The following SUGCT variants were observed in gnomAD, a reference collection of about 807,000 sequenced individuals.
The protein encoded by SUGCT is succinyl-CoA:glutarate CoA-transferase.
SUGCT carries 41 observed loss-of-function variants against 55.0 expected under a neutral mutation model. That is an observed-to-expected ratio of 0.74 (90% confidence interval 0.58 to 0.97). SUGCT has a LOEUF of 0.97. SUGCT is among the 50% of genes least tolerant of loss of function. The pLI, the probability that SUGCT is intolerant of heterozygous loss-of-function variation, is 0.00. For missense variants in SUGCT, 568 were observed against 547.8 expected (o/e 1.04, Z -0.37); for synonymous variants, 187 against 200.4 (o/e 0.93, Z 0.56).
intron 9 of SUGCT, among the ~76,000 whole-genome samples, chr7:40,379,425 A>G (rs1276823917): frequency 6.6e-6 from 1 of 152,234 alleles, no homozygotes; most frequent in African/African-American, 2.4e-5. Flanking sequence ...TAAGTTTTTA[A>G]TATTCCCACA....
chr7:40,448,950 G>GTGTGTA (rs1554341106), intron 9 of SUGCT, among the ~76,000 whole-genome samples: 273 of 141,960 alleles, frequency 1.9e-3, no homozygotes, highest in African/African-American at 7.2e-3. Context: ...GTGTGTGTGT[G>GTGTGTA]TATATATATA....
intron 12 of SUGCT, among the ~76,000 whole-genome samples, chr7:40,575,702 T>C (rs959253892): frequency 1.3e-5 from 2 of 152,038 alleles, no homozygotes; most frequent in African/African-American, 2.4e-5. Context: ...TCCCAGCACT[T>C]TGGGAGGCTG....
At chr7:40,771,205 A>G (rs1789085788) in intron 13 of SUGCT, among the ~76,000 whole-genome samples, 1 of 152,220 alleles carries the variant, frequency 6.6e-6, no homozygotes, top group Non-Finnish European at 1.5e-5. Flanking sequence ...AAACATACTT[A>G]GATTTCCCCC....
chr7:40,772,577 T>TATCTA (rs771592214), intron 13 of SUGCT, among the ~76,000 whole-genome samples: 3 of 120,096 alleles, frequency 2.5e-5, no homozygotes, highest in African/African-American at 9.9e-5. Flanking sequence ...GTTATCTATC[T>TATCTA]GCTATCTATC....
chr7:40,721,044 T>C (rs1786302698), intron 12 of SUGCT, among the ~76,000 whole-genome samples: 1 of 152,210 alleles, frequency 6.6e-6, no homozygotes, highest in African/African-American at 2.4e-5. Context: ...ATTGGAACTT[T>C]TGATGTGCCC....
chr7:40,897,884 C>G, the SUGCT span, among the ~76,000 whole-genome samples: 3 of 152,074 alleles, frequency 2.0e-5, no homozygotes, highest in Non-Finnish European at 4.4e-5. Flanking sequence ...AATCAGCTCT[C>G]TGTAAAATGG....
chr7:40,714,098 G>A (rs1276721287), intron 12 of SUGCT, among the ~76,000 whole-genome samples: 1 of 152,194 alleles, frequency 6.6e-6, no homozygotes, highest in Non-Finnish European at 1.5e-5. Flanking sequence ...GGGAGGCCAA[G>A]GCAGGAGGAT....
intron 12 of SUGCT, among the ~76,000 whole-genome samples, chr7:40,680,374 C>T (rs1371214254): frequency 6.6e-6 from 1 of 152,176 alleles, no homozygotes; most frequent in Admixed American, 6.5e-5. Context: ...CTGAGAATCT[C>T]TCTTTGGCTT....
chr7:41,017,953 T>C, the SUGCT span, among the ~76,000 whole-genome samples: 2 of 150,046 alleles, frequency 1.3e-5, no homozygotes, highest in Non-Finnish European at 3.0e-5. Context: ...AGCTGGGGAG[T>C]TGCAGGAGAC....
At chr7:40,676,894 C>CGTGTGTGTGTGTGT (rs3221667) in intron 12 of SUGCT, among the ~76,000 whole-genome samples, 8 of 144,056 alleles carry the variant, frequency 5.6e-5, no homozygotes, top group African/African-American at 1.0e-4. Context: ...TTCAGAATGA[C>CGTGTGTGTGTGTGT]GTGTGTGTGT....
At position 40,449,153 on chromosome 7, in the gene SUGCT, A is replaced by G. The variant is rs1034161268; in HGVS notation, c.817-134A>G. On this transcript the variant is annotated intron_variant, in intron 9 of 13. Transcript: ENST00000335693. ...ATATATATGTATACATATATGAAAA[A>G]GATACAAATTAATCGATATTGAATT... The G allele has an allele frequency of 5.1e-5, 31 of 608,518 alleles. No individual in the cohort carries two copies. In the East Asian group the frequency reaches 7.9e-4, roughly 15 times the overall value. 37.7% of individuals were successfully genotyped at this position (608,518 alleles called of 1,614,324 possible).
chr7:40,987,738 T>C, the SUGCT span, among the ~76,000 whole-genome samples: 5 of 152,206 alleles, frequency 3.3e-5, no homozygotes, highest in African/African-American at 1.2e-4. Context: ...TATTCCTTTC[T>C]TGATGTTTCA....
At chr7:40,259,272 A>G (rs1319178140) in intron 7 of SUGCT, among the ~76,000 whole-genome samples, 1 of 152,102 alleles carries the variant, frequency 6.6e-6, no homozygotes, top group African/African-American at 2.4e-5. Context: ...TGTACAGTTG[A>G]CCCTTGGATA....
At chr7:40,953,218 A>G in the SUGCT span, among the ~76,000 whole-genome samples, 1 of 152,142 alleles carries the variant, frequency 6.6e-6, no homozygotes, top group Non-Finnish European at 1.5e-5. Flanking sequence ...TCAATCACTG[A>G]TACCCTTTCT....
At chr7:40,668,168 G>T (rs1489559216) in intron 12 of SUGCT, among the ~76,000 whole-genome samples, 2 of 152,036 alleles carry the variant, frequency 1.3e-5, no homozygotes, top group Non-Finnish European at 2.9e-5. Context: ...ATGATATATT[G>T]GTGAATGGTA....
chr7:40,811,409 T>G (rs1361557998), intron 13 of SUGCT, among the ~76,000 whole-genome samples: 5 of 152,158 alleles, frequency 3.3e-5, no homozygotes, highest in Non-Finnish European at 5.9e-5. Flanking sequence ...TATGGAATAT[T>G]TTTTCATTTG....
chr7:40,367,684 C>T (rs1305231152), intron 9 of SUGCT, among the ~76,000 whole-genome samples: 1 of 152,008 alleles, frequency 6.6e-6, no homozygotes, highest in East Asian at 1.9e-4. Context: ...ACACATCTGT[C>T]CTCATCTATC....
Position 40,180,913 on chromosome 7 carries a change from G to T in SUGCT, c.101-34G>T, listed in dbSNP as rs374236126. On this transcript the variant is annotated intron_variant, in intron 1 of 13. Transcript: ENST00000335693. ...GTGAAAATGTAAGAAAATTACTAAT[G>T]AATTATCTTGAAATGTTTTCTCTGT... 3.7e-4 allele frequency: 553 copies of T among 1,490,404 alleles called. No homozygotes were observed. The African/African-American group carries it at 6.7e-3, about 18-fold the overall frequency. 92.3% of individuals were successfully genotyped at this position (1,490,404 alleles called of 1,614,324 possible). A position where few individuals can be genotyped will look rare whatever the true frequency, so the allele number is the denominator to read the frequency against.
At chr7:40,782,457 A>T (rs1007672364) in intron 13 of SUGCT, 14 of 152,124 alleles carry the variant, frequency 9.2e-5, no homozygotes, top group African/African-American at 3.4e-4. Context: ...GTGGTCTATG[A>T]TATAAGGAAG....
Sources: allele counts gnomAD v4.1 joint callset (sites outside exome capture counted in the v4.1 genomes callset), GRCh38; gene constraint gnomAD v4.1.1; transcripts MANE v1.5; gene names NCBI Gene and HGNC (gene_info 2026-07-23, HGNC 2026-07-21).